SBF2: variants seen among roughly 807,000 people sequenced by gnomAD.
SBF2 encodes the protein SET binding factor 2.
Under a neutral mutation model 225.2 loss-of-function variants are expected in SBF2, and 112 were observed. The ratio of observed to expected loss-of-function variants is 0.50; its 90% CI spans 0.43 to 0.58. The LOEUF (loss-of-function observed/expected upper bound fraction) is 0.58, where lower values mean the gene tolerates loss of function less well. Among genes scored for constraint, SBF2 ranks in the 20% least tolerant of loss-of-function variants. The pLI, the probability that SBF2 is intolerant of heterozygous loss-of-function variation, is 0.00. For missense variants in SBF2, 1,996 were observed against 2,206.2 expected (o/e 0.90, Z 1.91); for synonymous variants, 763 against 773.3 (o/e 0.99, Z 0.22).
chr11:9,927,702 C>A (rs186020896), intron 16 of SBF2, among the ~76,000 whole-genome samples: 1 of 151,966 alleles, frequency 6.6e-6, no homozygotes, highest in African/African-American at 2.4e-5. Context: ...TTAAAAGATA[C>A]GGAAAAAAAA....
At chr11:9,794,699 A>AAAAAAAAAAAAAAAAAAAAAAAAG (rs1564859829) in intron 33 of SBF2, among the ~76,000 whole-genome samples, 1 of 147,162 alleles carries the variant, frequency 6.8e-6, no homozygotes, top group African/African-American at 2.5e-5. Flanking sequence ...AAAAAAAAAA[A>AAAAAAAAAAAAAAAAAAAAAAAAG]AAAAAAAAGA....
At chr11:10,087,635 A>G (rs1260486009) in intron 2 of SBF2, among the ~76,000 whole-genome samples, 1 of 152,246 alleles carries the variant, frequency 6.6e-6, no homozygotes, top group Non-Finnish European at 1.5e-5. Context: ...CATACCAAAC[A>G]TATTTTTATG....
At chr11:10,135,722 C>G (rs1474659181) in intron 2 of SBF2, among the ~76,000 whole-genome samples, 1 of 152,174 alleles carries the variant, frequency 6.6e-6, no homozygotes, top group African/African-American at 2.4e-5. Flanking sequence ...GAGACCACAT[C>G]AGCCTGAACT....
intron 17 of SBF2, among the ~76,000 whole-genome samples, chr11:9,861,719 G>T (rs1320011730): frequency 6.6e-6 from 1 of 151,762 alleles, no homozygotes; most frequent in Non-Finnish European, 1.5e-5. Context: ...TGTTGCCCAG[G>T]CTGGTCTTGA....
intron 24 of SBF2, 26 bp from the exon 25 acceptor site, chr11:9,842,796 T>C: frequency 6.2e-7 from 1 of 1,612,842 alleles, no homozygotes; most frequent in Non-Finnish European, 8.5e-7. Context: ...CCAAAGAGAA[T>C]GTCAACTTAA....
At chr11:9,869,578 T>C (rs956036529) in intron 17 of SBF2, among the ~76,000 whole-genome samples, 1 of 152,138 alleles carries the variant, frequency 6.6e-6, no homozygotes, top group Non-Finnish European at 1.5e-5. Context: ...ATATATCTCA[T>C]AAACAGAACT....
chr11:10,010,542 G>A (rs757699720), intron 6 of SBF2, among the ~76,000 whole-genome samples: 3 of 152,112 alleles, frequency 2.0e-5, no homozygotes, highest in Non-Finnish European at 4.4e-5. Flanking sequence ...AAGATCAGAT[G>A]GTTGTAGATG....
At chr11:9,828,513 T>A (rs527811398) in intron 28 of SBF2, 8 of 985,358 alleles carry the variant, frequency 8.1e-6, no homozygotes, top group African/African-American at 1.7e-5. Context: ...TCTGCTTATG[T>A]TGAGCTAATT....
intron 34 of SBF2, among the ~76,000 whole-genome samples, chr11:9,790,080 C>T (rs539282533): frequency 8.5e-5 from 13 of 152,120 alleles, no homozygotes; most frequent in African/African-American, 1.2e-4. Flanking sequence ...CATTCCAGGG[C>T]GTGTGTTATG....
chr11:10,016,690 G>A (rs1205596272), intron 6 of SBF2: 1 of 152,154 alleles, frequency 6.6e-6, no homozygotes, highest in East Asian at 1.9e-4. Flanking sequence ...ATTTCACCGT[G>A]TTAGCCAGGA....
At chr11:10,259,836 G>GAC (rs57167310) in intron 1 of SBF2, among the ~76,000 whole-genome samples, 1,615 of 152,018 alleles carry the variant, frequency 0.011, 30 homozygotes, top group African/African-American at 0.037. Flanking sequence ...TAAACATGCA[G>GAC]ACCTACTATA....
intron 2 of SBF2, among the ~76,000 whole-genome samples, chr11:10,092,403 T>C (rs910989953): frequency 6.6e-6 from 1 of 152,190 alleles, no homozygotes; most frequent in Non-Finnish European, 1.5e-5. Context: ...AGGCCGAAGT[T>C]GTAATTTTTG....
intron 16 of SBF2, among the ~76,000 whole-genome samples, chr11:9,899,786 A>G (rs894557000): frequency 2.6e-5 from 4 of 152,164 alleles, no homozygotes; most frequent in Admixed American, 1.3e-4. Context: ...GCAAATATCT[A>G]GAATTTATAT....
At chr11:10,147,394 AAGAATG>A (rs1304844546) in intron 2 of SBF2, among the ~76,000 whole-genome samples, 1 of 152,206 alleles carries the variant, frequency 6.6e-6, no homozygotes, top group Non-Finnish European at 1.5e-5. Flanking sequence ...AGCCATAAAA[AAGAATG>A]AGATCATGTC....
chr11:10,073,501 T>A (rs890697764), intron 2 of SBF2, among the ~76,000 whole-genome samples: 10 of 152,048 alleles, frequency 6.6e-5, no homozygotes, highest in African/African-American at 2.4e-4. Context: ...TCACTTGAGG[T>A]CAGGAGTTTG....
chr11:10,278,706 C>T (rs1051035354), intron 1 of SBF2, among the ~76,000 whole-genome samples: 6 of 150,798 alleles, frequency 4.0e-5, no homozygotes, highest in Non-Finnish European at 8.8e-5. Flanking sequence ...TAGCTTGAAT[C>T]GGGGAGGCAG....
intron 1 of SBF2, among the ~76,000 whole-genome samples, chr11:10,281,631 T>TG (rs1963413208): frequency 6.6e-6 from 1 of 152,168 alleles, no homozygotes; most frequent in Non-Finnish European, 1.5e-5. Flanking sequence ...CCCCAAAGCT[T>TG]GGTTCTCGGT....
chr11:9,904,429 A>G (rs758928912), intron 16 of SBF2, among the ~76,000 whole-genome samples: 1 of 152,224 alleles, frequency 6.6e-6, no homozygotes, highest in Non-Finnish European at 1.5e-5. Flanking sequence ...TATAAACCTA[A>G]TAACTTAGCC....
At chr11:10,285,208 G>C (rs1426123665) in intron 1 of SBF2, among the ~76,000 whole-genome samples, 1 of 151,986 alleles carries the variant, frequency 6.6e-6, no homozygotes, top group Non-Finnish European at 1.5e-5. Context: ...TACTCGGCAG[G>C]CTGAGGTGGG....
Sources: allele counts gnomAD v4.1 joint callset (sites outside exome capture counted in the v4.1 genomes callset), GRCh38; gene constraint gnomAD v4.1.1; transcripts MANE v1.5; gene names NCBI Gene and HGNC (gene_info 2026-07-23, HGNC 2026-07-21).